The following PCDHA3 variants were observed in gnomAD, a reference collection of about 807,000 sequenced individuals.
The protein encoded by PCDHA3 is protocadherin alpha 3, also known as protocadherin alpha-3.
Under a neutral mutation model 62.2 loss-of-function variants are expected in PCDHA3, and 41 were observed. The ratio of observed to expected loss-of-function variants is 0.66; its 90% confidence interval spans 0.51 to 0.86. The LOEUF (loss-of-function observed/expected upper bound fraction) is 0.86. PCDHA3 is among the 40% of genes least tolerant of loss of function. The pLI is 0.00. For missense variants in PCDHA3, 1,304 were observed against 1,241.2 expected (o/e 1.05, Z -0.76); for synonymous variants, 640 against 555.4 (o/e 1.15, Z -2.14).
chr5:140,870,514 T>C lies in PCDHA3; in HGVS notation c.2394+66923T>C, dbSNP rs1554164347. ...CGTGAAGGAGAACAACCCACCAGGC[T>C]GCCACATCTTCACAGTGTCGGCGCG... On this transcript the variant is annotated intron_variant, in intron 1 of 3. Transcript: ENST00000522353. The C allele has an allele frequency of 3.7e-6, 6 of 1,614,224 alleles. No homozygotes were observed. In the East Asian group the frequency reaches 1.3e-4, roughly 36 times the overall value.
rs1197189729 is a variant in PCDHA3, at chr5:141,011,926, G to A, written c.*1989G>A. On this transcript the variant is annotated 3_prime_UTR_variant, in exon 4 of 4. Transcript: ENST00000522353. ...TTAGGCATTAATATAAAAGAGGTAG[G>A]AGTCTGTTATTTAAAAAAAGCATTA... 1 of 153,498 alleles carries A rather than the reference G, an allele frequency of 6.5e-6. No individual in the cohort carries two copies. Among genetic ancestry groups the A allele is most frequent in the African/African-American group, 2.4e-5 (1 of 41,380 alleles). 9.5% of individuals were successfully genotyped at this position (153,498 alleles called of 1,614,324 possible).
At chr5:140,856,112 GCC>G (rs2043785671) in intron 1 of PCDHA3, 1 of 1,598,078 alleles carries the variant, frequency 6.3e-7, no homozygotes, top group Non-Finnish European at 8.6e-7. Context: ...TCTCCTCGCA[GCC>G]TGGGAGGTGG....
intron 1 of PCDHA3, chr5:140,882,210 CAGTTTG>C (rs1332497676): frequency 6.5e-7 from 1 of 1,533,604 alleles, no homozygotes; most frequent in African/African-American, 1.4e-5. Flanking sequence ...CCTTGAGAGA[CAGTTTG>C]AGGTAAGGCG....
chr5:140,873,624 A>G lies in PCDHA3; in HGVS notation c.2394+70033A>G, dbSNP rs562277902. On this transcript the variant is annotated intron_variant, in intron 1 of 3. Transcript: ENST00000522353. The stretch of plus-strand genomic sequence containing the variant: ...TTCCTATTGGCTTAACAATTTGTTT[A>G]GGTCAAAGAGTATGTGAGAACTACA... Among the ~76,000 whole-genome samples the G allele has an allele frequency of 2.6e-5, 4 of 152,192 alleles. No homozygotes were observed. In the South Asian group the frequency reaches 8.3e-4, roughly 32 times the overall value.
At chr5:140,886,515 G>C (rs1554182564) in intron 1 of PCDHA3, among the ~76,000 whole-genome samples, 1 of 151,972 alleles carries the variant, frequency 6.6e-6, no homozygotes, top group East Asian at 1.9e-4. Context: ...TGGATTTTAA[G>C]GTCTGCATAT....
At chr5:140,940,940 G>T (rs187772223) in intron 1 of PCDHA3, among the ~76,000 whole-genome samples, 1 of 152,254 alleles carries the variant, frequency 6.6e-6, no homozygotes, top group Non-Finnish European at 1.5e-5. Context: ...CTTAGACTAC[G>T]TATTCTCAGA....
chr5:140,978,842 T>A, intron 1 of PCDHA3, 107 bp from the exon 2 acceptor site: 1 of 1,564,670 alleles, frequency 6.4e-7, no homozygotes, highest in East Asian at 2.3e-5. Flanking sequence ...TTCAATACTT[T>A]TTTAGATGCC....
intron 3 of PCDHA3, among the ~76,000 whole-genome samples, chr5:140,998,568 A>AG (rs1167593072): frequency 3.1e-5 from 3 of 96,370 alleles, no homozygotes; most frequent in African/African-American, 1.3e-4. Context: ...ATTGTAAATA[A>AG]GTTTTTTTTT....
At chr5:140,954,832 A>G (rs2095096599) in intron 1 of PCDHA3, among the ~76,000 whole-genome samples, 1 of 152,208 alleles carries the variant, frequency 6.6e-6, no homozygotes, top group Admixed American at 6.5e-5. Flanking sequence ...CACTTTTGTC[A>G]TGAAATCTTT....
At chr5:141,003,087 G>A (rs894210434) in intron 3 of PCDHA3, among the ~76,000 whole-genome samples, 4 of 152,198 alleles carry the variant, frequency 2.6e-5, no homozygotes, top group Non-Finnish European at 5.9e-5. Flanking sequence ...AGTTTAACAG[G>A]CCTGGCATTT....
intron 3 of PCDHA3, among the ~76,000 whole-genome samples, chr5:140,999,125 G>C (rs1554256627): frequency 6.6e-6 from 1 of 152,152 alleles, no homozygotes; most frequent in South Asian, 2.1e-4. Context: ...TTCTAAGCTG[G>C]AAAATGTCAC....
Position 140,856,069 on chromosome 5 carries a change from C to A in PCDHA3, c.2394+52478C>A, listed in dbSNP as rs149846721. ...ATAAGATGGTTTCCAGATGTAGCTG[C>A]CTGGGGGTCCAGTGTCTGCTGCTCT... On this transcript the variant is annotated intron_variant, in intron 1 of 3. Coordinates refer to ENST00000522353, the MANE Select transcript of PCDHA3 (RefSeq NM_018906.3). 5 of 1,591,600 alleles carry A rather than the reference C, an allele frequency of 3.1e-6. 1 individual carries two copies. Among genetic ancestry groups the A allele is most frequent in the Non-Finnish European group, 4.3e-6 (5 of 1,163,516 alleles).
chr5:140,919,301 A>G (rs1278715166), intron 1 of PCDHA3, among the ~76,000 whole-genome samples: 1 of 152,158 alleles, frequency 6.6e-6, no homozygotes, highest in African/African-American at 2.4e-5. Context: ...CTGTTTGTAC[A>G]ATATATGTTT....
At chr5:140,853,227 T>C in intron 1 of PCDHA3, 1 of 983,234 alleles carries the variant, frequency 1.0e-6, no homozygotes, top group Non-Finnish European at 1.2e-6. Context: ...GATTGGTAAT[T>C]TAGTCCTTCA....
chr5:140,809,561 T>C, intron 1 of PCDHA3: 2 of 1,608,678 alleles, frequency 1.2e-6, no homozygotes, highest in Non-Finnish European at 1.7e-6. Context: ...AACTGAGGAA[T>C]CCTTTGCAAA....
intron 1 of PCDHA3, among the ~76,000 whole-genome samples, chr5:140,878,613 C>T (rs1413546987): frequency 1.3e-5 from 2 of 152,184 alleles, no homozygotes; most frequent in Admixed American, 6.5e-5. Context: ...TTCTAATGTG[C>T]ATTTTACATA....
intron 1 of PCDHA3, chr5:140,808,554 C>T: frequency 6.2e-7 from 1 of 1,614,116 alleles, no homozygotes; most frequent in Non-Finnish European, 8.5e-7. Flanking sequence ...CCGGCGTTCG[C>T]GCAGCCCGAG....
At chr5:140,851,809 T>TA in intron 1 of PCDHA3, 1 of 948,344 alleles carries the variant, frequency 1.1e-6, no homozygotes, top group Non-Finnish European at 1.3e-6. Flanking sequence ...CAGTAATCCA[T>TA]AAGACAGAAA....
intron 1 of PCDHA3, among the ~76,000 whole-genome samples, chr5:140,964,575 G>A (rs2153740589): frequency 6.6e-6 from 1 of 152,212 alleles, no homozygotes; most frequent in East Asian, 1.9e-4. Flanking sequence ...GGAGATAAGG[G>A]GAGGAAAGAT....
Sources: gnomAD v4.1 joint callset for allele counts (sites outside exome capture counted in the v4.1 genomes callset) on GRCh38, gnomAD v4.1.1 for gene constraint, MANE v1.5 for transcripts, NCBI Gene and HGNC (gene_info 2026-07-23, HGNC 2026-07-21) for gene names.